Variants in SPECC1 observed in about 807,000 individuals in gnomAD.
The protein encoded by SPECC1 is cytospin-B.
Under a neutral mutation model 104.1 loss-of-function variants are expected in SPECC1, and 62 were observed. The ratio of observed to expected loss-of-function variants is 0.60; its 90% CI spans 0.49 to 0.74. The LOEUF (loss-of-function observed/expected upper bound fraction) is 0.74. Ranked by LOEUF, SPECC1 falls within the 30% of genes least tolerant of loss-of-function variation. The pLI, the probability that SPECC1 is intolerant of heterozygous loss-of-function variation, is 0.00. For synonymous variants in SPECC1, 513 were observed against 501.6 expected, an observed-to-expected ratio of 1.02 and a Z score of -0.30; for missense variants, 1,306 against 1,310.5, an observed-to-expected ratio of 1.00 and a Z score of 0.05.
chr17:20,077,047 T>C (rs1486457626), intron 1 of SPECC1, among the ~76,000 whole-genome samples: 8 of 152,226 alleles, frequency 5.3e-5, no homozygotes. Context: ...GGGTAAGATT[T>C]ATTTGCCATA....
At chr17:20,223,070 A>G (rs1020915704) in intron 4 of SPECC1, among the ~76,000 whole-genome samples, 6 of 152,084 alleles carry the variant, frequency 3.9e-5, no homozygotes, top group Non-Finnish European at 1.5e-5. Flanking sequence ...GAGTATTAAT[A>G]TTTTTCTCTA....
At chr17:20,194,234 C>A (rs1428366215) in intron 3 of SPECC1, among the ~76,000 whole-genome samples, 1 of 152,088 alleles carries the variant, frequency 6.6e-6, no homozygotes, top group East Asian at 1.9e-4. Context: ...CCCTCAAATA[C>A]CTATGAGTTG....
chr17:20,149,515 C>G (rs2031787649), intron 3 of SPECC1, among the ~76,000 whole-genome samples: 1 of 152,236 alleles, frequency 6.6e-6, no homozygotes, highest in African/African-American at 2.4e-5. Flanking sequence ...AGACATTTCA[C>G]ACGTGTTGTC....
At chr17:20,277,399 TA>T (rs932508966) in intron 12 of SPECC1, among the ~76,000 whole-genome samples, 5 of 152,162 alleles carry the variant, frequency 3.3e-5, no homozygotes, top group Non-Finnish European at 7.4e-5. Context: ...ACTTTTTTTT[TA>T]AAATGATGCT....
intron 1 of SPECC1, among the ~76,000 whole-genome samples, chr17:20,013,936 G>A (rs1478067219): frequency 2.0e-5 from 3 of 152,166 alleles, no homozygotes; most frequent in African/African-American, 7.2e-5. Context: ...GAACACTCTA[G>A]TACACGTCTT....
intron 1 of SPECC1, among the ~76,000 whole-genome samples, chr17:20,055,743 T>C (rs2045938479): frequency 6.6e-6 from 1 of 152,262 alleles, no homozygotes; most frequent in Non-Finnish European, 1.5e-5. Flanking sequence ...TCACTGATGC[T>C]TTCATTGGCC....
intron 12 of SPECC1, among the ~76,000 whole-genome samples, chr17:20,285,299 G>C (rs2040906282): frequency 6.6e-6 from 1 of 152,188 alleles, no homozygotes; most frequent in Admixed American, 6.5e-5. Flanking sequence ...ACTCTGGGAA[G>C]ATATTCTTGG....
chr17:20,162,646 G>A (rs1172139371), intron 3 of SPECC1, among the ~76,000 whole-genome samples: 1 of 152,320 alleles, frequency 6.6e-6, no homozygotes, highest in Middle Eastern at 3.4e-3. Context: ...GTTTGGACTG[G>A]TTGCTTTCTA....
Position 20,273,461 on chromosome 17 carries a change from T to C in SPECC1, c.2940+13167T>C, listed in dbSNP as rs1387523118. Among the ~76,000 whole-genome samples the C allele has an allele frequency of 7.1e-5, 6 of 84,688 alleles. No homozygotes were observed. In the East Asian group the frequency reaches 9.6e-3, roughly 136 times the overall value. The allele number at this position is 84,688 out of a possible 152,430, so 55.6% of individuals were successfully genotyped here. On this transcript the variant is annotated intron_variant, in intron 12 of 14. Coordinates refer to ENST00000395527, the MANE Select transcript of SPECC1 (RefSeq NM_001243439.2). ...CAGCCTGGGTGACACAGCGAGACTC[T>C]GTCAAAAAAAAAAAAAGAAGAGGCC...
intron 1 of SPECC1, among the ~76,000 whole-genome samples, chr17:20,040,025 CTTTT>C (rs2045258608): frequency 6.6e-6 from 1 of 151,260 alleles, no homozygotes; most frequent in Non-Finnish European, 1.5e-5. Context: ...CTTTTTTTCT[CTTTT>C]TGTCTTGTCT....
chr17:20,257,593 A>G lies in SPECC1; in HGVS notation c.2823A>G (p.Pro941=), dbSNP rs777412883. ...GTGCTTCCACCCGGGCATGGAAACC[A>G]CAAAGCAAACTCAGGTATCGTGTTT... ...LLSASTRAWK[P]QSKLSVERKD... The change falls in exon 11 of 15, where the codon CCA becomes CCG. Residue 941 remains proline (P), a synonymous_variant. Coordinates refer to ENST00000395527, the MANE Select transcript of SPECC1 (RefSeq NM_001243439.2). The G allele has an allele frequency of 6.2e-7, 1 of 1,612,704 alleles. No individual in the cohort carries two copies. Among genetic ancestry groups the G allele is most frequent in the Non-Finnish European group, 8.5e-7 (1 of 1,179,724 alleles).
At chr17:20,272,814 A>C (rs1193641760) in intron 12 of SPECC1, among the ~76,000 whole-genome samples, 4 of 152,214 alleles carry the variant, frequency 2.6e-5, no homozygotes, top group Non-Finnish European at 1.5e-5. Flanking sequence ...TTTTTATAGC[A>C]TCCTGTTCTT....
chr17:20,143,470 G>A (rs912703017), intron 3 of SPECC1, among the ~76,000 whole-genome samples: 2 of 151,610 alleles, frequency 1.3e-5, no homozygotes, highest in South Asian at 2.1e-4. Flanking sequence ...GATCACTTGA[G>A]GTCAGGGGTT....
intron 8 of SPECC1, among the ~76,000 whole-genome samples, chr17:20,246,647 A>G (rs548674317): frequency 1.3e-5 from 2 of 152,152 alleles, no homozygotes; most frequent in East Asian, 1.9e-4. Flanking sequence ...ATCTTCCTAT[A>G]TGAGAAAGAT....
At position 20,131,552 on chromosome 17, in the gene SPECC1, A is replaced by G. The variant is rs749774972; in HGVS notation, c.283+20990A>G. ...TTTCATGTCTTATCACACTGGCTAG[A>G]AAGTTTAACACTATATTGAATAAAA... On this transcript the variant is annotated intron_variant, in intron 3 of 14. Coordinates refer to ENST00000395527, the MANE Select transcript of SPECC1 (RefSeq NM_001243439.2). 2.2e-4 allele frequency among the ~76,000 whole-genome samples: 33 copies of G among 152,032 alleles called. 1 individual carries two copies. The highest frequency in any genetic ancestry group is 7.5e-4 in the African/African-American group (31 of 41,450).
chr17:20,212,279 A>G (rs1454804237), intron 4 of SPECC1, among the ~76,000 whole-genome samples: 1 of 152,204 alleles, frequency 6.6e-6, no homozygotes, highest in African/African-American at 2.4e-5. Flanking sequence ...GAGCAGAGGG[A>G]GTTTTGCAGT....
At chr17:20,277,986 TTG>T (rs938257851) in intron 12 of SPECC1, among the ~76,000 whole-genome samples, 8 of 152,218 alleles carry the variant, frequency 5.3e-5, no homozygotes, top group African/African-American at 1.7e-4. Context: ...TGATTTTTCC[TTG>T]TGTCTTCCAG....
intron 3 of SPECC1, among the ~76,000 whole-genome samples, chr17:20,124,671 G>A (rs1033340289): frequency 6.6e-6 from 1 of 152,118 alleles, no homozygotes; most frequent in African/African-American, 2.4e-5. Context: ...ATCATAAGCT[G>A]CAAATATGCT....
At position 20,090,509 on chromosome 17, in the gene SPECC1, G is replaced by A. The variant is rs554534288; in HGVS notation, c.-21-6122G>A. ...ATATGGCTCAAGATGCTGCAGCCTA[G>A]ATAGATATGAAAGTCTCTGGTTCCC... On this transcript the variant is annotated intron_variant, in intron 1 of 14. Coordinates refer to ENST00000395527, the MANE Select transcript of SPECC1 (RefSeq NM_001243439.2). Among the ~76,000 whole-genome samples the A allele has an allele frequency of 3.5e-3, 523 of 151,434 alleles. 2 individuals carry two copies. Among genetic ancestry groups the A allele is most frequent in the Non-Finnish European group, 4.8e-3 (325 of 67,938 alleles).
Sources: allele counts gnomAD v4.1 joint callset (sites outside exome capture counted in the v4.1 genomes callset), GRCh38; gene constraint gnomAD v4.1.1; transcripts MANE v1.5; gene names NCBI Gene and HGNC (gene_info 2026-07-23, HGNC 2026-07-21).